CYP2F1: variants seen among roughly 807,000 people sequenced by gnomAD.
CYP2F1 encodes cytochrome P450 family 2 subfamily F member 1.
Under a neutral mutation model 40.4 loss-of-function variants are expected in CYP2F1, and 33 were observed. The ratio of observed to expected loss-of-function variants is 0.82; its 90% CI spans 0.62 to 1.09. The LOEUF (loss-of-function observed/expected upper bound fraction) is 1.09. Among genes scored for constraint, CYP2F1 ranks in the 50% least tolerant of loss-of-function variants. The pLI, the probability that CYP2F1 is intolerant of heterozygous loss-of-function variation, is 0.00. For synonymous variants in CYP2F1, 235 were observed against 277.2 expected, an observed-to-expected ratio of 0.85 and a Z score of 1.51; for missense variants, 566 against 655.7, an observed-to-expected ratio of 0.86 and a Z score of 1.49.
intron 1 of CYP2F1, among the ~76,000 whole-genome samples, chr19:41,115,022 G>A (rs546631605): frequency 5.5e-4 from 83 of 151,980 alleles, no homozygotes; most frequent in Middle Eastern, 3.4e-3. Flanking sequence ...CGCCTGCCTC[G>A]GCCTCCCAGA....
At chr19:41,115,295 T>C (rs745581883) in intron 1 of CYP2F1, among the ~76,000 whole-genome samples, 1 of 152,174 alleles carries the variant, frequency 6.6e-6, no homozygotes, top group African/African-American at 2.4e-5. Flanking sequence ...TCCTTCCATG[T>C]CCCTCTCTGT....
chr19:41,123,819 T>C (rs1032368586), intron 7 of CYP2F1, among the ~76,000 whole-genome samples: 38 of 152,184 alleles, frequency 2.5e-4, no homozygotes, highest in African/African-American at 8.9e-4. Context: ...CCACCGCTCC[T>C]GCCTCCACCC....
rs199588250 is a variant in CYP2F1 at position 41,116,575 on chromosome 19, C to T, written c.292C>T (p.Arg98Cys). 1.7e-5 allele frequency: 28 copies of T among 1,613,966 alleles called. No individual in the cohort carries two copies. Among genetic ancestry groups the T allele is most frequent in the Admixed American group, 1.7e-4 (10 of 59,966 alleles). The change falls in exon 3 of 10, where the codon CGC becomes TGC. Residue 98 changes from arginine (R) to cysteine (C), a missense_variant. This residue lies in a region of CYP2F1 where 264 missense variants were observed against 275.7 expected (regional missense o/e 0.96). Transcript: ENST00000331105. Reference protein sequence around the residue: ...LVDQGEEFSGRGDYPAFFNFT... With the variant: ...LVDQGEEFSGCGDYPAFFNFT... ...GGACCAGGGAGAGGAGTTTAGTGGC[C>T]GCGGTGACTACCCTGCCTTTTTCAA...
intron 4 of CYP2F1, 91 bp from the exon 5 acceptor site, chr19:41,121,367 T>A: frequency 7.7e-7 from 1 of 1,305,100 alleles, no homozygotes. Context: ...CATGGTTGAG[T>A]CGGATGTTGT....
chr19:41,123,290 C>T (rs188419332), intron 7 of CYP2F1: 4 of 429,074 alleles, frequency 9.3e-6, no homozygotes, highest in African/African-American at 8.0e-5. Context: ...CAACCTCCCC[C>T]TCCCGAGTTC....
intron 8 of CYP2F1, chr19:41,125,158 A>T: frequency 1.8e-6 from 1 of 560,752 alleles, no homozygotes; most frequent in Non-Finnish European, 3.1e-6. Context: ...CCCTCCCTGG[A>T]AGCCCTGGGG....
In CYP2F1 at chr19:41,122,697, A is replaced by G. The variant is rs1418643938; in HGVS notation, c.823-125A>G. Reference sequence around the variant, plus strand: ...CCTGCCCTGCCCTTCTCCGTTCCCCAGCTCTCCCAGGGAAAGAAAGTTAAA... The same window carrying G: ...CCTGCCCTGCCCTTCTCCGTTCCCCGGCTCTCCCAGGGAAAGAAAGTTAAA... On this transcript the variant is annotated intron_variant, in intron 6 of 9. Transcript: ENST00000331105. The G allele has an allele frequency of 1.5e-5, 15 of 994,906 alleles. No individual in the cohort carries two copies. In the East Asian group the frequency reaches 3.6e-4, roughly 24 times the overall value. 61.6% of individuals were successfully genotyped at this position (994,906 alleles called of 1,614,324 possible). A position where few individuals can be genotyped will look rare whatever the true frequency, so the allele number is the denominator to read the frequency against.
Position 41,128,096 on chromosome 19 carries a change from C to T in CYP2F1, c.*14C>T. 6.3e-7 allele frequency: 1 copy of T among 1,594,096 alleles called. No individual in the cohort carries two copies. The highest frequency in any genetic ancestry group is 8.5e-7 in the Non-Finnish European group (1 of 1,170,192). On this transcript the variant is annotated 3_prime_UTR_variant, in exon 10 of 10. Transcript: ENST00000331105. ...CGCCCGCGCTAACGCCCCGGCCCTT[C>T]CAGATTCGCCTGTGAGCGATGAGGC...
chr19:41,116,565 G>A lies in CYP2F1; in HGVS notation c.282G>A (p.Glu94=). Residue 94 remains glutamate, a synonymous_variant, in exon 3 of 10, where the codon GAG becomes GAA. Transcript: ENST00000331105. ...VKEALVDQGE[E]FSGRGDYPAF... is the part of the protein sequence containing the mutation. ...AGGCCCTGGTGGACCAGGGAGAGGAGTTTAGTGGCCGCGGTGACTACCCTG... is the reference window on the plus strand; with the variant it reads ...AGGCCCTGGTGGACCAGGGAGAGGAATTTAGTGGCCGCGGTGACTACCCTG... The A allele has an allele frequency of 6.2e-7, 1 of 1,614,050 alleles. No homozygotes were observed. Among genetic ancestry groups the A allele is most frequent in the African/African-American group, 1.3e-5 (1 of 75,014 alleles).
chr19:41,122,689 C>T (rs546856338), intron 6 of CYP2F1, 133 bp from the exon 7 acceptor site: 20 of 912,030 alleles, frequency 2.2e-5, no homozygotes, highest in African/African-American at 5.1e-5. Flanking sequence ...TGCCCTTCTC[C>T]GTTCCCCAGC....
Position 41,116,447 on chromosome 19 carries a change from A to G in CYP2F1, c.172-8A>G, listed in dbSNP as rs1465384279. 1.9e-6 allele frequency: 3 copies of G among 1,609,158 alleles called. No homozygotes were observed. The highest frequency in any genetic ancestry group is 2.2e-5 in the South Asian group (2 of 90,930). On this transcript the variant is annotated splice_polypyrimidine_tract_variant and splice_region_variant and intron_variant, in intron 2 of 9. Coordinates refer to ENST00000331105, the MANE Select transcript of CYP2F1 (RefSeq NM_000774.5). ...GCCCCCCTGTAACTTCTGTCTTCCT[A>G]CCCTCAGCTGAGCAAGGAGTATGGC... is the stretch of plus-strand genomic sequence containing the variant.
At chr19:41,126,944 A>G (rs1003280100) in intron 9 of CYP2F1, among the ~76,000 whole-genome samples, 2 of 151,788 alleles carry the variant, frequency 1.3e-5, no homozygotes, top group South Asian at 4.1e-4. Context: ...CTCCCTCTTT[A>G]CTCAGTGGCA....
chr19:41,127,786 T>G (rs2032601388), intron 9 of CYP2F1, 115 bp from the exon 10 acceptor site: 1 of 735,812 alleles, frequency 1.4e-6, no homozygotes, highest in Non-Finnish European at 2.2e-6. Flanking sequence ...GGTGAATCTG[T>G]GACGTCCCCA....
intron 6 of CYP2F1, among the ~76,000 whole-genome samples, chr19:41,122,604 T>A (rs1188138424): frequency 6.6e-6 from 1 of 151,968 alleles, no homozygotes; most frequent in East Asian, 1.9e-4. Context: ...ACGTATTTTT[T>A]AAAAAAACAA....
At position 41,116,579 on chromosome 19, in the gene CYP2F1, G is replaced by A; in HGVS notation, c.296G>A (p.Gly99Asp). The change falls in exon 3 of 10, where the codon GGT (glycine) becomes GAT (aspartate). Residue 99 changes from glycine (G) to aspartate (D), a missense_variant. Transcript: ENST00000331105. The stretch of plus-strand genomic sequence containing the variant: ...CAGGGAGAGGAGTTTAGTGGCCGCG[G>A]TGACTACCCTGCCTTTTTCAACTTT... ...VDQGEEFSGR[G>D]DYPAFFNFTK... The A allele has an allele frequency of 2.5e-6, 4 of 1,614,020 alleles. No homozygotes were observed. The highest frequency in any genetic ancestry group is 3.4e-6 in the Non-Finnish European group (4 of 1,179,984).
intron 3 of CYP2F1, 132 bp from the exon 4 acceptor site, chr19:41,120,215 G>T: frequency 1.2e-6 from 1 of 830,212 alleles, no homozygotes. Context: ...GGGTCCAGAA[G>T]GGCTTACTGG....
At chr19:41,125,698 C>T (rs2032515185) in intron 9 of CYP2F1, 64 bp downstream of exon 9, 2 of 1,614,014 alleles carry the variant, frequency 1.2e-6, no homozygotes, top group South Asian at 1.1e-5. Context: ...CCTAATTCCA[C>T]TTGCCAAATC....
Position 41,125,168 on chromosome 19 carries a change from G to T in CYP2F1, c.1152+262G>T, listed in dbSNP as rs1353433287. The T allele has an allele frequency of 7.0e-6, 4 of 570,096 alleles. No individual in the cohort carries two copies. In the African/African-American group the frequency reaches 7.5e-5, roughly 11 times the overall value. 35.3% of individuals were successfully genotyped at this position (570,096 alleles called of 1,614,324 possible). Reference sequence around the variant, plus strand: ...AGAACCCCTCCCTGGAAGCCCTGGGGTCTGGAACTTCATCTGGAGGATCCC... The same window carrying T: ...AGAACCCCTCCCTGGAAGCCCTGGGTTCTGGAACTTCATCTGGAGGATCCC... On this transcript the variant is annotated intron_variant, in intron 8 of 9. Coordinates refer to ENST00000331105, the MANE Select transcript of CYP2F1 (RefSeq NM_000774.5).
At chr19:41,114,841 C>T (rs1254167795) in intron 1 of CYP2F1, among the ~76,000 whole-genome samples, 1 of 134,424 alleles carries the variant, frequency 7.4e-6, no homozygotes, top group Admixed American at 8.5e-5. Context: ...TCAATCTCAG[C>T]TCACTGCAAC....
Sources: allele counts gnomAD v4.1 joint callset (sites outside exome capture counted in the v4.1 genomes callset), GRCh38; gene constraint gnomAD v4.1.1; regional missense constraint gnomAD v4.1.1; transcripts MANE v1.5; gene names NCBI Gene and HGNC (gene_info 2026-07-23, HGNC 2026-07-21).